Variants in CFAP20DC observed in about 807,000 individuals in gnomAD.
The protein encoded by CFAP20DC is protein CFAP20DC.
CFAP20DC carries 84 observed loss-of-function variants against 101.7 expected under a neutral mutation model. The observed-to-expected ratio is 0.83, with a 90% CI of 0.69 to 0.99. The LOEUF (loss-of-function observed/expected upper bound fraction) is 0.99. Among genes scored for constraint, CFAP20DC ranks in the 50% least tolerant of loss-of-function variants. The pLI, the probability that CFAP20DC is intolerant of heterozygous loss-of-function variation, is 0.00. For synonymous variants in CFAP20DC, 359 were observed against 351.2 expected (o/e 1.02, Z -0.25); for missense variants, 1,007 against 970.3 (o/e 1.04, Z -0.50).
intron 15 of CFAP20DC, among the ~76,000 whole-genome samples, chr3:58,778,291 G>C (rs749310933): frequency 2.6e-5 from 4 of 152,126 alleles, no homozygotes; most frequent in Non-Finnish European, 5.9e-5. Flanking sequence ...TCCCAGCCTG[G>C]CTTTACAACC....
chr3:58,802,545 T>G (rs2073786364), intron 15 of CFAP20DC, among the ~76,000 whole-genome samples: 1 of 152,176 alleles, frequency 6.6e-6, no homozygotes, highest in African/African-American at 2.4e-5. Context: ...TAATGGAAAA[T>G]ACCACCCCAT....
chr3:58,937,516 A>C, intron 5 of CFAP20DC, 132 bp downstream of exon 5: 1 of 639,082 alleles, frequency 1.6e-6, no homozygotes, highest in Non-Finnish European at 2.8e-6. Flanking sequence ...GAGGGGAAGG[A>C]AGGCCATGAA....
At chr3:58,898,908 GTTTTT>G (rs541689992) in intron 6 of CFAP20DC, among the ~76,000 whole-genome samples, 1 of 144,660 alleles carries the variant, frequency 6.9e-6, no homozygotes, top group African/African-American at 2.5e-5. Flanking sequence ...TTTTCTCTTT[GTTTTT>G]TTTTTTAACA....
intron 15 of CFAP20DC, among the ~76,000 whole-genome samples, chr3:58,789,478 C>T (rs1035669797): frequency 1.3e-5 from 2 of 152,072 alleles, no homozygotes; most frequent in African/African-American, 4.8e-5. Context: ...TTTGGTTATA[C>T]CTTTCTGTTC....
intron 15 of CFAP20DC, among the ~76,000 whole-genome samples, chr3:58,800,142 C>G (rs1456711204): frequency 6.6e-6 from 1 of 152,146 alleles, no homozygotes; most frequent in Non-Finnish European, 1.5e-5. Flanking sequence ...TGGGAAACCA[C>G]TGGGAAGTTT....
At chr3:58,854,004 GAAAT>G (rs2078514049) in intron 12 of CFAP20DC, among the ~76,000 whole-genome samples, 1 of 151,982 alleles carries the variant, frequency 6.6e-6, no homozygotes, top group Non-Finnish European at 1.5e-5. Context: ...GCAGGAGAAG[GAAAT>G]AAAGGGTATT....
chr3:58,742,588 A>G lies in CFAP20DC; in HGVS notation c.2333-16T>C. 1 of 1,579,914 alleles carries G rather than the reference A, an allele frequency of 6.3e-7. No individual in the cohort carries two copies. Among genetic ancestry groups the G allele is most frequent in the African/African-American group, 1.4e-5 (1 of 73,968 alleles). ...TCTTCTTCACCTGTGGGGAAGGGGA[A>G]CCACAGACACATTAGCTGTTGGCTT... is the stretch of plus-strand genomic sequence containing the variant. On this transcript the variant is annotated splice_polypyrimidine_tract_variant and intron_variant, in intron 16 of 16. Coordinates refer to ENST00000482387, the MANE Select transcript of CFAP20DC (RefSeq NM_001394063.1).
At chr3:58,955,587 A>G (rs2090552612) in intron 4 of CFAP20DC, among the ~76,000 whole-genome samples, 1 of 152,090 alleles carries the variant, frequency 6.6e-6, no homozygotes, top group Non-Finnish European at 1.5e-5. Flanking sequence ...CCTAGCCACC[A>G]TGGACTAAAG....
chr3:59,018,823 G>T (rs906149591), intron 4 of CFAP20DC: 18 of 152,036 alleles, frequency 1.2e-4, no homozygotes, highest in African/African-American at 4.1e-4. Flanking sequence ...TTGTACTGTG[G>T]TCATGTAGTG....
chr3:58,994,524 G>C (rs1286625091), intron 4 of CFAP20DC, among the ~76,000 whole-genome samples: 1 of 152,120 alleles, frequency 6.6e-6, no homozygotes, highest in African/African-American at 2.4e-5. Flanking sequence ...TGGTGTCAGA[G>C]AATTCAGGTC....
chr3:58,819,194 G>T (rs1402456230), intron 14 of CFAP20DC, among the ~76,000 whole-genome samples: 1 of 150,040 alleles, frequency 6.7e-6, no homozygotes, highest in African/African-American at 2.5e-5. Flanking sequence ...AAGCAGGAAA[G>T]ATCCAAAATT....
intron 4 of CFAP20DC, among the ~76,000 whole-genome samples, chr3:59,038,681 T>C (rs1165270769): frequency 6.6e-6 from 1 of 152,150 alleles, no homozygotes; most frequent in East Asian, 1.9e-4. Flanking sequence ...TGATCTTTCA[T>C]GTTGTAATTG....
intron 4 of CFAP20DC, among the ~76,000 whole-genome samples, chr3:58,998,309 T>C (rs2093201355): frequency 6.6e-6 from 1 of 152,214 alleles, no homozygotes; most frequent in Non-Finnish European, 1.5e-5. Context: ...ATTTTGTTCC[T>C]TGCAAACTGT....
At chr3:58,766,417 C>A (rs1045620720) in intron 15 of CFAP20DC, among the ~76,000 whole-genome samples, 2 of 152,200 alleles carry the variant, frequency 1.3e-5, no homozygotes, top group African/African-American at 4.8e-5. Context: ...TTCTCACCAT[C>A]TCCCCTTCCA....
At chr3:59,013,488 A>G (rs1362858456) in intron 4 of CFAP20DC, among the ~76,000 whole-genome samples, 1 of 152,174 alleles carries the variant, frequency 6.6e-6, no homozygotes, top group African/African-American at 2.4e-5. Context: ...ACAGATAGCA[A>G]TTATGGAAGT....
chr3:58,741,595 C>G (rs113003910), downstream of CFAP20DC, among the ~76,000 whole-genome samples: 363 of 151,150 alleles, frequency 2.4e-3, 4 homozygotes, highest in African/African-American at 8.2e-3. Context: ...CTCCTGGGTT[C>G]GCGCCATTCT....
At chr3:58,723,933 G>C (rs1158422633) in intron 3 of CFAP20DC, among the ~76,000 whole-genome samples, 1 of 152,244 alleles carries the variant, frequency 6.6e-6, no homozygotes. Context: ...TCTGACAGAA[G>C]AGGTAGGTGC....
In CFAP20DC at chr3:58,742,382, G is replaced by A. The variant is rs2067920444; in HGVS notation, c.*78C>T. 7.3e-7 allele frequency: 1 copy of A among 1,375,996 alleles called. No homozygotes were observed. Among genetic ancestry groups the A allele is most frequent in the African/African-American group, 1.5e-5 (1 of 67,924 alleles). 85.2% of individuals were successfully genotyped at this position (1,375,996 alleles called of 1,614,324 possible). A position where few individuals can be genotyped will look rare whatever the true frequency, so the allele number is the denominator to read the frequency against. On this transcript the variant is annotated 3_prime_UTR_variant, in exon 17 of 17. Coordinates refer to ENST00000482387, the MANE Select transcript of CFAP20DC (RefSeq NM_001394063.1). ...TTTGTGGTCACCCAACACATAAGTT[G>A]TGGTGACTCCTTAAGCGACCCTGAA...
chr3:58,982,222 G>A (rs1028636965), intron 4 of CFAP20DC, among the ~76,000 whole-genome samples: 1 of 152,196 alleles, frequency 6.6e-6, no homozygotes, highest in Admixed American at 6.5e-5. Context: ...GTGCTGGAGA[G>A]GATGTGGAGA....
Sources: gnomAD v4.1 joint callset for allele counts (sites outside exome capture counted in the v4.1 genomes callset) on GRCh38, gnomAD v4.1.1 for gene constraint, MANE v1.5 for transcripts, NCBI Gene and HGNC (gene_info 2026-07-23, HGNC 2026-07-21) for gene names.